Variants in PLEKHA7 observed in about 807,000 individuals in gnomAD.
The protein encoded by PLEKHA7 is pleckstrin homology domain containing A7, also known as pleckstrin homology domain-containing family A member 7.
A neutral mutation model predicts 170.0 loss-of-function variants in PLEKHA7; 104 were observed. That is an observed-to-expected ratio of 0.61 (90% confidence interval 0.52 to 0.72). The LOEUF (loss-of-function observed/expected upper bound fraction) is 0.72. PLEKHA7 is among the 30% of genes least tolerant of loss of function. The pLI is 0.00. For synonymous variants in PLEKHA7, 648 were observed against 660.8 expected, an observed-to-expected ratio of 0.98 and a Z score of 0.30; for missense variants, 1,615 against 1,671.7, an observed-to-expected ratio of 0.97 and a Z score of 0.59.
chr11:16,836,818 T>G (rs113983515), intron 9 of PLEKHA7, among the ~76,000 whole-genome samples: 8,742 of 149,658 alleles, frequency 0.058, 811 homozygotes, highest in African/African-American at 0.2. Context: ...GTTTTTTCTG[T>G]TTTTTTTGTT....
rs1056114502 is a variant in PLEKHA7 at position 16,805,796 on chromosome 11, A to C, written c.2008-2501T>G. On this transcript the variant is annotated intron_variant, in intron 13 of 26. Coordinates refer to ENST00000531066, the MANE Select transcript of PLEKHA7 (RefSeq NM_001329630.2). Reference sequence around the variant, plus strand: ...CAGAGCGAGACTCCATGTCAAAAAAAAAAAAAAAAAACAAAAACAAAAACA... The same window carrying C: ...CAGAGCGAGACTCCATGTCAAAAAACAAAAAAAAAAACAAAAACAAAAACA... 1.9e-3 allele frequency among the ~76,000 whole-genome samples: 152 copies of C among 80,320 alleles called. 1 individual carries two copies. The highest frequency in any genetic ancestry group is 0.012 in the South Asian group (23 of 1,950). The allele number at this position is 80,320 out of a possible 152,430, so 52.7% of individuals were successfully genotyped here.
chr11:16,920,134 G>C (rs1016477302), intron 3 of PLEKHA7, among the ~76,000 whole-genome samples: 3 of 152,208 alleles, frequency 2.0e-5, no homozygotes, highest in Admixed American at 2.0e-4. Context: ...TAAAGCACAT[G>C]GAAAGGGCTG....
chr11:16,820,240 A>G (rs1564958848), intron 10 of PLEKHA7, among the ~76,000 whole-genome samples: 1 of 152,170 alleles, frequency 6.6e-6, no homozygotes, highest in Non-Finnish European at 1.5e-5. Context: ...AACTCAACTC[A>G]TTTAATCACT....
At chr11:16,925,070 ACTTGGCGGAACG>A (rs933374840) in intron 3 of PLEKHA7, among the ~76,000 whole-genome samples, 3 of 152,208 alleles carry the variant, frequency 2.0e-5, no homozygotes, top group Middle Eastern at 3.4e-3. Context: ...GCCCCTGCAC[ACTTGGCGGAACG>A]CTTGGCGGGG....
At chr11:16,976,976 C>T (rs1045397210) in intron 3 of PLEKHA7, among the ~76,000 whole-genome samples, 8 of 152,202 alleles carry the variant, frequency 5.3e-5, no homozygotes, top group African/African-American at 1.9e-4. Flanking sequence ...ACAGAACACA[C>T]AGCTATCTGT....
chr11:16,780,780 C>G (rs75402442), intron 26 of PLEKHA7, among the ~76,000 whole-genome samples: 1,558 of 152,308 alleles, frequency 0.01, 24 homozygotes, highest in African/African-American at 0.036. Flanking sequence ...CACTTTCCCA[C>G]CTGCCTACCA....
intron 24 of PLEKHA7, among the ~76,000 whole-genome samples, chr11:16,784,860 T>C (rs541083544): frequency 5.9e-5 from 9 of 152,302 alleles, no homozygotes; most frequent in African/African-American, 2.2e-4. Flanking sequence ...AGGAGGAATT[T>C]AGGTTAGAGA....
intron 3 of PLEKHA7, among the ~76,000 whole-genome samples, chr11:17,007,887 G>T (rs1865105871): frequency 6.6e-6 from 1 of 152,124 alleles, no homozygotes; most frequent in African/African-American, 2.4e-5. Context: ...AAGATATTCA[G>T]TTGGTGCAAA....
At chr11:16,824,336 GGT>G (rs1850468664) in intron 10 of PLEKHA7, among the ~76,000 whole-genome samples, 1 of 151,930 alleles carries the variant, frequency 6.6e-6, no homozygotes, top group Admixed American at 6.6e-5. Context: ...AATCCAGCCT[GGT>G]CAACATAGCA....
chr11:16,921,438 G>C (rs1265649920), intron 3 of PLEKHA7, among the ~76,000 whole-genome samples: 1 of 152,166 alleles, frequency 6.6e-6, no homozygotes, highest in Admixed American at 6.5e-5. Context: ...GGGCAGAGAG[G>C]GGCACAAAAA....
chr11:16,834,204 C>T (rs542400984), intron 9 of PLEKHA7, among the ~76,000 whole-genome samples: 4 of 151,664 alleles, frequency 2.6e-5, no homozygotes, highest in Non-Finnish European at 5.9e-5. Flanking sequence ...CAGCATTTTG[C>T]CATGTTGGCC....
chr11:16,810,471 C>T (rs923684714), intron 13 of PLEKHA7, among the ~76,000 whole-genome samples: 1 of 152,226 alleles, frequency 6.6e-6, no homozygotes, highest in African/African-American at 2.4e-5. Context: ...TTGTTTCTCG[C>T]ATGTGGCTGC....
At chr11:16,891,361 C>A (rs1405667029) in intron 3 of PLEKHA7, among the ~76,000 whole-genome samples, 1 of 152,074 alleles carries the variant, frequency 6.6e-6, no homozygotes, top group Non-Finnish European at 1.5e-5. Flanking sequence ...TGGAGTGATG[C>A]CTCTATAGGC....
intron 3 of PLEKHA7, among the ~76,000 whole-genome samples, chr11:16,941,489 C>A (rs1357052765): frequency 6.6e-6 from 1 of 152,186 alleles, no homozygotes; most frequent in African/African-American, 2.4e-5. Flanking sequence ...AGCCTAGTGA[C>A]CTCTTAATTT....
intron 3 of PLEKHA7, among the ~76,000 whole-genome samples, chr11:16,980,449 C>T (rs1863356527): frequency 1.3e-5 from 2 of 152,204 alleles, no homozygotes. Flanking sequence ...CAGACACTCC[C>T]CAGTCCAGTC....
chr11:16,939,145 C>T (rs1463577435), intron 3 of PLEKHA7, among the ~76,000 whole-genome samples: 1 of 152,222 alleles, frequency 6.6e-6, no homozygotes, highest in East Asian at 1.9e-4. Flanking sequence ...GACACAGTGA[C>T]TCCCTCCTAT....
intron 23 of PLEKHA7, chr11:16,788,734 C>G (rs1408943554): frequency 6.0e-6 from 2 of 333,246 alleles, no homozygotes; most frequent in Admixed American, 4.5e-5. Context: ...TGCTTCTAAC[C>G]AAATCATGTC....
At chr11:16,790,609 G>A in intron 21 of PLEKHA7, 189 bp downstream of exon 21, 1 of 594,802 alleles carries the variant, frequency 1.7e-6, no homozygotes, top group South Asian at 2.1e-5. Context: ...AACAAAAGAG[G>A]AAGAGAATCA....
intron 26 of PLEKHA7, chr11:16,780,900 G>T (rs779911517): frequency 2.4e-4 from 181 of 761,416 alleles, no homozygotes; most frequent in Non-Finnish European, 2.8e-4. Flanking sequence ...CGCTAGGGAG[G>T]TGCAGGAAGC....
Sources: gnomAD v4.1 joint callset for allele counts (sites outside exome capture counted in the v4.1 genomes callset) on GRCh38, gnomAD v4.1.1 for gene constraint, MANE v1.5 for transcripts, NCBI Gene and HGNC (gene_info 2026-07-23, HGNC 2026-07-21) for gene names.